The following HSPA12A variants were observed in gnomAD, a reference collection of about 807,000 sequenced individuals.
HSPA12A encodes heat shock 70 kDa protein 12A.
In HSPA12A, 28 loss-of-function variants were observed where a neutral mutation model predicts 69.2. The ratio of observed to expected loss-of-function variants is 0.40; its 90% confidence interval spans 0.30 to 0.55. The LOEUF (loss-of-function observed/expected upper bound fraction) is 0.55, where lower values mean the gene tolerates loss of function less well. Ranked by LOEUF, HSPA12A falls within the 20% of genes least tolerant of loss-of-function variation. The pLI, the probability that HSPA12A is intolerant of heterozygous loss-of-function variation, is 0.38. For synonymous variants in HSPA12A, 345 were observed against 370.5 expected (o/e 0.93, Z 0.79); for missense variants, 686 against 900.7 (o/e 0.76, Z 3.05).
chr10:116,694,510 C>T (rs1233405470), intron 5 of HSPA12A, among the ~76,000 whole-genome samples: 1 of 152,226 alleles, frequency 6.6e-6, no homozygotes. Flanking sequence ...ACCCACATGG[C>T]CACTTGACCT....
chr10:116,798,200 G>T lies in HSPA12A; in HGVS notation c.91+36735C>A, dbSNP rs116386207. ...GCGGTGGGGCGGGGTGGGGCAGGGA[G>T]CAGGGGTGGCAGGAGGGAGCCCAGT... On this transcript the variant is annotated intron_variant, in intron 2 of 12. Transcript: ENST00000635765. 3.8e-3 allele frequency among the ~76,000 whole-genome samples: 573 copies of T among 151,968 alleles called. 3 individuals carry two copies. Among genetic ancestry groups the T allele is most frequent in the African/African-American group, 0.013 (551 of 41,412 alleles).
rs549285187 is a variant in HSPA12A, at chr10:116,839,247, A to G, written c.4-4225T>C. On this transcript the variant is annotated intron_variant, in intron 1 of 12. Transcript: ENST00000635765. Reference sequence around the variant, plus strand: ...ATGCCTTTGTGGAATGCACAAGATCATTCTAAAGGAACATTTCAACCGCAG... The same window carrying G: ...ATGCCTTTGTGGAATGCACAAGATCGTTCTAAAGGAACATTTCAACCGCAG... 2.5e-3 allele frequency among the ~76,000 whole-genome samples: 379 copies of G among 152,358 alleles called. 2 individuals carry two copies. Among genetic ancestry groups the G allele is most frequent in the Non-Finnish European group, 3.7e-3 (255 of 68,038 alleles).
intron 2 of HSPA12A, among the ~76,000 whole-genome samples, chr10:116,783,152 C>T (rs1376900141): frequency 6.6e-6 from 1 of 152,186 alleles, no homozygotes; most frequent in Non-Finnish European, 1.5e-5. Context: ...AGCTGTTTCT[C>T]CAGGAAGTGC....
chr10:116,693,327 A>G (rs1849790883), intron 5 of HSPA12A, among the ~76,000 whole-genome samples: 1 of 152,222 alleles, frequency 6.6e-6, no homozygotes, highest in South Asian at 2.1e-4. Flanking sequence ...GCTGGGCAGA[A>G]GCATCAGAGG....
chr10:116,832,878 T>C (rs1047070456), intron 2 of HSPA12A: 24 of 152,236 alleles, frequency 1.6e-4, no homozygotes, highest in African/African-American at 5.8e-4. Context: ...CTTCCTTTGA[T>C]AAAATCAACA....
rs555416134 is a variant in HSPA12A at position 116,789,690 on chromosome 10, G to A, written c.91+45245C>T. Among the ~76,000 whole-genome samples, 10 of 152,224 alleles carry A rather than the reference G, an allele frequency of 6.6e-5. No individual in the cohort carries two copies. The East Asian group carries it at 1.7e-3, about 26-fold the overall frequency. ...CATGGAATTGAGGGTTCGTTTTTAAGGTGCATCATCCAGGATATTGACTAT... is the reference window on the plus strand; with the variant it reads ...CATGGAATTGAGGGTTCGTTTTTAAAGTGCATCATCCAGGATATTGACTAT... On this transcript the variant is annotated intron_variant, in intron 2 of 12. Transcript: ENST00000635765.
intron 2 of HSPA12A, among the ~76,000 whole-genome samples, chr10:116,810,520 G>A (rs943492220): frequency 2.6e-5 from 4 of 151,966 alleles, no homozygotes; most frequent in African/African-American, 9.7e-5. Flanking sequence ...GTATAAGCAC[G>A]GCACTTTCAT....
At chr10:116,751,874 T>C (rs1255954196) in intron 2 of HSPA12A, among the ~76,000 whole-genome samples, 1 of 152,134 alleles carries the variant, frequency 6.6e-6, no homozygotes. Context: ...TCCTACCATG[T>C]GTTGTGCCCG....
intron 2 of HSPA12A, among the ~76,000 whole-genome samples, chr10:116,805,830 C>T (rs565315050): frequency 6.6e-6 from 1 of 152,234 alleles, no homozygotes; most frequent in Admixed American, 6.5e-5. Flanking sequence ...TCAATTAAAA[C>T]ACAATTAGAA....
intron 1 of HSPA12A, among the ~76,000 whole-genome samples, chr10:116,724,788 G>C (rs955861755): frequency 2.7e-4 from 41 of 152,288 alleles, no homozygotes; most frequent in African/African-American, 9.6e-4. Context: ...CTGCGGCCCA[G>C]AGCCCAAGAC....
At chr10:116,779,640 G>C (rs186625395) in intron 2 of HSPA12A, among the ~76,000 whole-genome samples, 1 of 152,138 alleles carries the variant, frequency 6.6e-6, no homozygotes, top group Non-Finnish European at 1.5e-5. Context: ...GCCAGCCCGC[G>C]ATGGAATCTG....
chr10:116,707,173 AC>A, intron 2 of HSPA12A, 26 bp downstream of exon 2: 1 of 1,540,622 alleles, frequency 6.5e-7, no homozygotes, highest in Admixed American at 1.8e-5. Context: ...ACACACACAC[AC>A]ACACACACAC....
chr10:116,796,457 T>C (rs1844828507), intron 2 of HSPA12A, among the ~76,000 whole-genome samples: 2 of 152,086 alleles, frequency 1.3e-5, no homozygotes, highest in Admixed American at 1.3e-4. Flanking sequence ...CCTGTGGGTC[T>C]TGCTGCTCTG....
chr10:116,782,800 C>G (rs1362838021), intron 2 of HSPA12A, among the ~76,000 whole-genome samples: 1 of 152,126 alleles, frequency 6.6e-6, no homozygotes, highest in Non-Finnish European at 1.5e-5. Flanking sequence ...TCACAGGTGC[C>G]AACAATGTTC....
At chr10:116,740,124 T>C (rs1472472522) in intron 1 of HSPA12A, among the ~76,000 whole-genome samples, 2 of 152,194 alleles carry the variant, frequency 1.3e-5, no homozygotes, top group African/African-American at 4.8e-5. Flanking sequence ...ACTGCACACA[T>C]GCATAAGGGC....
At chr10:116,748,647 A>G (rs1442451098) in intron 2 of HSPA12A, among the ~76,000 whole-genome samples, 3 of 152,210 alleles carry the variant, frequency 2.0e-5, no homozygotes, top group African/African-American at 4.8e-5. Context: ...CAATCATGGC[A>G]GACAGTAAGA....
chr10:116,781,120 C>T (rs1428459436), intron 2 of HSPA12A, among the ~76,000 whole-genome samples: 7 of 152,028 alleles, frequency 4.6e-5, no homozygotes, highest in Non-Finnish European at 8.8e-5. Flanking sequence ...TAGTGAGACC[C>T]CTGTCTCTAC....
intron 2 of HSPA12A, among the ~76,000 whole-genome samples, chr10:116,758,384 C>T (rs1292998131): frequency 6.6e-6 from 1 of 152,174 alleles, no homozygotes; most frequent in Non-Finnish European, 1.5e-5. Context: ...CTCTGGGAGG[C>T]TAATTCACTA....
At chr10:116,811,305 C>CTATG (rs1393195025) in intron 2 of HSPA12A, among the ~76,000 whole-genome samples, 1 of 152,186 alleles carries the variant, frequency 6.6e-6, no homozygotes, top group Non-Finnish European at 1.5e-5. Flanking sequence ...GAGGCTGAGA[C>CTATG]TATGCAGAGC....
Sources: allele counts gnomAD v4.1 joint callset (sites outside exome capture counted in the v4.1 genomes callset), GRCh38; gene constraint gnomAD v4.1.1; transcripts MANE v1.5; gene names NCBI Gene and HGNC (gene_info 2026-07-23, HGNC 2026-07-21).